The following LRP1B variants were observed in gnomAD, a reference collection of about 807,000 sequenced individuals.
LRP1B encodes the protein LDL receptor related protein 1B, also known as low-density lipoprotein receptor-related protein 1B.
LRP1B carries 217 observed loss-of-function variants against 556.6 expected under a neutral mutation model. The observed-to-expected ratio is 0.39, with a 90% CI of 0.35 to 0.44. LRP1B has a LOEUF of 0.44. Among genes scored for constraint, LRP1B ranks in the 20% least tolerant of loss-of-function variants. The probability of loss-of-function intolerance (pLI) is 1.00; values close to 1 mark genes in which losing one functional copy is unlikely to be tolerated. For synonymous variants in LRP1B, 2,047 were observed against 1,865.8 expected, an observed-to-expected ratio of 1.10 and a Z score of -2.50; for missense variants, 5,053 against 5,620.8, an observed-to-expected ratio of 0.90 and a Z score of 3.23.
At chr2:141,216,881 C>A (rs1392515433) in intron 6 of LRP1B, among the ~76,000 whole-genome samples, 1 of 152,044 alleles carries the variant, frequency 6.6e-6, no homozygotes, top group Non-Finnish European at 1.5e-5. Context: ...TCCATTGTAT[C>A]TTGGAAGGAA....
intron 37 of LRP1B, among the ~76,000 whole-genome samples, chr2:140,713,918 T>C (rs1992422): frequency 0.015 from 2,282 of 152,260 alleles, 46 homozygotes; most frequent in African/African-American, 0.05. Flanking sequence ...GCTCTAATTA[T>C]ATGGTATGAT....
rs375192552 is a variant in LRP1B at position 140,428,846 on chromosome 2, CT to C, written c.10414+13657del. On this transcript the variant is annotated intron_variant, in intron 66 of 90. Transcript: ENST00000389484. Reference sequence around the variant, plus strand: ...AACTCTGGTGCCAACTTAGACAATACTTTTTTAAGCACTCTTTTTTAGTTAT... The same window carrying C: ...AACTCTGGTGCCAACTTAGACAATACTTTTTAAGCACTCTTTTTTAGTTAT... Among the ~76,000 whole-genome samples, 38 of 152,202 alleles carry C rather than the reference CT, an allele frequency of 2.5e-4. No individual in the cohort carries two copies. The East Asian group carries it at 7.1e-3, about 29-fold the overall frequency.
chr2:141,194,466 G>T (rs112236609), intron 6 of LRP1B, among the ~76,000 whole-genome samples: 3,818 of 152,116 alleles, frequency 0.025, 75 homozygotes, highest in Middle Eastern at 0.051. Context: ...CTCAACTTCA[G>T]CACTTGTTTT....
chr2:140,595,087 A>AATATATCTATCTATCTAT (rs1204829412), intron 43 of LRP1B, among the ~76,000 whole-genome samples: 1 of 99,676 alleles, frequency 1.0e-5, no homozygotes, highest in African/African-American at 3.4e-5. Flanking sequence ...ATATAAATTG[A>AATATATCTATCTATCTAT]ATATATATAT....
intron 59 of LRP1B, among the ~76,000 whole-genome samples, chr2:140,483,566 A>G (rs1688326747): frequency 6.9e-6 from 1 of 145,848 alleles, no homozygotes; most frequent in African/African-American, 2.5e-5. Flanking sequence ...ACTCAAATAT[A>G]TATATATATA....
chr2:140,407,805 T>C (rs1453545823), intron 66 of LRP1B, among the ~76,000 whole-genome samples: 1 of 152,144 alleles, frequency 6.6e-6, no homozygotes, highest in Non-Finnish European at 1.5e-5. Flanking sequence ...ATCTGCCATT[T>C]GAGCCAGCAG....
chr2:140,908,839 GC>G (rs1248514550), intron 21 of LRP1B, among the ~76,000 whole-genome samples: 5 of 152,078 alleles, frequency 3.3e-5, no homozygotes, highest in South Asian at 2.1e-4. Flanking sequence ...CACTCTTGTT[GC>G]CCAGGCTGGA....
intron 2 of LRP1B, among the ~76,000 whole-genome samples, chr2:141,767,432 A>G (rs1334441851): frequency 4.6e-5 from 7 of 152,042 alleles, no homozygotes; most frequent in Non-Finnish European, 4.4e-5. Context: ...TTCAGGTCAA[A>G]TTATCTATGT....
intron 1 of LRP1B, among the ~76,000 whole-genome samples, chr2:141,999,534 A>T: frequency 6.6e-6 from 1 of 152,294 alleles, no homozygotes; most frequent in African/African-American, 2.4e-5. Context: ...ATTTTGTTAA[A>T]GAAATAAAGA....
intron 6 of LRP1B, among the ~76,000 whole-genome samples, chr2:141,214,576 T>A (rs1404255905): frequency 1.3e-5 from 2 of 152,234 alleles, no homozygotes; most frequent in African/African-American, 4.8e-5. Context: ...TTTTGAGTGA[T>A]CCTGTACTAA....
At chr2:142,113,048 C>T (rs1329884271) in intron 1 of LRP1B, among the ~76,000 whole-genome samples, 1 of 152,022 alleles carries the variant, frequency 6.6e-6, no homozygotes, top group Admixed American at 6.6e-5. Flanking sequence ...AGAATGCAGC[C>T]TCAACATATC....
At chr2:141,327,167 G>A (rs1246942294) in intron 3 of LRP1B, among the ~76,000 whole-genome samples, 1 of 152,092 alleles carries the variant, frequency 6.6e-6, no homozygotes, top group African/African-American at 2.4e-5. Context: ...AGGCAACACA[G>A]GGAAGAGAGC....
chr2:141,888,345 A>C (rs1574465372), intron 1 of LRP1B, among the ~76,000 whole-genome samples: 1 of 152,156 alleles, frequency 6.6e-6, no homozygotes, highest in Non-Finnish European at 1.5e-5. Flanking sequence ...TGTGAAGAGG[A>C]AGGTAAAAGT....
intron 76 of LRP1B, among the ~76,000 whole-genome samples, chr2:140,351,459 A>T (rs1243594619): frequency 7.7e-6 from 1 of 130,550 alleles, no homozygotes; most frequent in East Asian, 1.9e-4. Context: ...TAGGCTAAGA[A>T]ATAAAAATTA....
intron 81 of LRP1B, 128 bp from the exon 82 acceptor site, chr2:140,322,216 A>T: frequency 1.2e-6 from 1 of 849,154 alleles, no homozygotes; most frequent in South Asian, 1.6e-5. Flanking sequence ...ATTTCCACTG[A>T]TGTGGAGTAT....
intron 20 of LRP1B, among the ~76,000 whole-genome samples, chr2:140,939,334 C>T (rs1695324729): frequency 6.6e-6 from 1 of 151,284 alleles, no homozygotes; most frequent in Non-Finnish European, 1.5e-5. Flanking sequence ...AAGAAAAAGC[C>T]AAAGGAGAAG....
At chr2:141,536,101 G>A (rs1685062243) in intron 2 of LRP1B, among the ~76,000 whole-genome samples, 1 of 152,002 alleles carries the variant, frequency 6.6e-6, no homozygotes, top group Non-Finnish European at 1.5e-5. Context: ...AACAGAATTT[G>A]TCTTATTGTC....
chr2:141,228,372 A>T (rs1683325693), intron 6 of LRP1B, among the ~76,000 whole-genome samples: 1 of 151,962 alleles, frequency 6.6e-6, no homozygotes, highest in Non-Finnish European at 1.5e-5. Context: ...AGAGAAGGAG[A>T]GAGAGAATAT....
rs186897410 is a variant in LRP1B, at chr2:140,860,020, A to T, written c.4579+7570T>A. Among the ~76,000 whole-genome samples, 441 of 151,592 alleles carry T rather than the reference A, an allele frequency of 2.9e-3. 2 individuals carry two copies. The highest frequency in any genetic ancestry group is 7.3e-3 in the African/African-American group (300 of 41,198). ...AAAAAATAAATAATAAATAAAAATT[A>T]AAAAAAAATTGCCTTCATTTTGCAA... is the stretch of plus-strand genomic sequence containing the variant. On this transcript the variant is annotated intron_variant, in intron 27 of 90. Transcript: ENST00000389484.
Sources: allele counts gnomAD v4.1 joint callset (sites outside exome capture counted in the v4.1 genomes callset), GRCh38; gene constraint gnomAD v4.1.1; transcripts MANE v1.5; gene names NCBI Gene and HGNC (gene_info 2026-07-23, HGNC 2026-07-21).